Variants in SEZ6 observed in about 807,000 individuals in gnomAD.
SEZ6 encodes seizure related 6 homolog, also known as seizure protein 6 homolog.
In SEZ6, 53 loss-of-function variants were observed where a neutral mutation model predicts 101.0. The observed-to-expected ratio is 0.52, with a 90% CI of 0.42 to 0.66. SEZ6 has a LOEUF of 0.66. SEZ6 is among the 30% of genes least tolerant of loss of function. The probability of loss-of-function intolerance (pLI) is 0.00; values close to 1 mark genes in which losing one functional copy is unlikely to be tolerated. For synonymous variants in SEZ6, 488 were observed against 512.2 expected (o/e 0.95, Z 0.64); for missense variants, 1,102 against 1,289.4 (o/e 0.85, Z 2.23).
At chr17:28,973,710 G>A (rs1162397342) in intron 3 of SEZ6, among the ~76,000 whole-genome samples, 1 of 152,210 alleles carries the variant, frequency 6.6e-6, no homozygotes, top group Non-Finnish European at 1.5e-5. Context: ...GCTGACAGAG[G>A]CCAGACAGGG....
intron 4 of SEZ6, among the ~76,000 whole-genome samples, chr17:28,965,874 C>G (rs913156212): frequency 2.3e-4 from 35 of 152,146 alleles, no homozygotes; most frequent in Non-Finnish European, 4.7e-4. Context: ...TGCAGTGGCT[C>G]ACGCCTGTAA....
intron 1 of SEZ6, among the ~76,000 whole-genome samples, chr17:28,992,495 A>G (rs963607695): frequency 6.6e-6 from 1 of 152,148 alleles, no homozygotes; most frequent in Non-Finnish European, 1.5e-5. Flanking sequence ...CAAGGATGCC[A>G]CACCCTGGGA....
Position 29,005,840 on chromosome 17 carries a change from G to C in SEZ6, c.30C>G (p.Pro10=), listed in dbSNP as rs1482928708. The C allele has an allele frequency of 1.1e-5, 17 of 1,486,538 alleles. No individual in the cohort carries two copies. Among genetic ancestry groups the C allele is most frequent in the Admixed American group, 1.1e-4 (5 of 47,112 alleles). The allele number at this position is 1,486,538 out of a possible 1,614,324, so 92.1% of individuals were successfully genotyped here. ...CGTGAGCCAGGAGCGCCAGCAGCGAGGGCAGGAGCAGCAGGGCTACCGGGC... is the reference window on the plus strand; with the variant it reads ...CGTGAGCCAGGAGCGCCAGCAGCGACGGCAGGAGCAGCAGGGCTACCGGGC... MRPVALLLL[P]SLLALLAHGL... is the part of the protein sequence containing the mutation. Residue 10 remains proline (P), a synonymous_variant, in exon 1 of 17, where the codon CCC becomes CCG. Coordinates refer to ENST00000317338, the MANE Select transcript of SEZ6 (RefSeq NM_178860.5). The surrounding 1 kb of genome is among the most constrained non-coding windows in gnomAD (Gnocchi z 4.8).
At chr17:28,966,700 T>C (rs1193449824) in intron 4 of SEZ6, among the ~76,000 whole-genome samples, 1 of 152,172 alleles carries the variant, frequency 6.6e-6, no homozygotes, top group Admixed American at 6.5e-5. Flanking sequence ...GCAAGGCCTC[T>C]GTTCCTGGGT....
intron 1 of SEZ6, among the ~76,000 whole-genome samples, chr17:28,988,631 G>T (rs965424558): frequency 6.6e-6 from 1 of 152,136 alleles, no homozygotes; most frequent in African/African-American, 2.4e-5. Context: ...CTCTTCCCCT[G>T]CCACTGATCA....
intron 1 of SEZ6, among the ~76,000 whole-genome samples, chr17:28,999,229 G>A (rs898610622): frequency 6.6e-6 from 1 of 152,182 alleles, no homozygotes; most frequent in African/African-American, 2.4e-5. Context: ...AAGGACCCAG[G>A]ATGGCCTTCC....
At chr17:29,001,771 C>T (rs972805152) in intron 1 of SEZ6, among the ~76,000 whole-genome samples, 2 of 152,206 alleles carry the variant, frequency 1.3e-5, no homozygotes, top group East Asian at 1.9e-4. Context: ...TGCTTCCCAC[C>T]ACCCAGCTGC....
chr17:29,005,459 G>A lies in SEZ6; in HGVS notation c.55+356C>T, dbSNP rs1010861709. On this transcript the variant is annotated intron_variant, in intron 1 of 16. Transcript: ENST00000317338. This position sits in a 1 kb window ranked among gnomAD's most constrained non-coding sequence, Gnocchi z 4.8. Reference sequence around the variant, plus strand: ...CCCGACTCACTGCCTTGCGCCCCCCGGCACGCGCCCCAGCACCCTGAGATG... The same window carrying A: ...CCCGACTCACTGCCTTGCGCCCCCCAGCACGCGCCCCAGCACCCTGAGATG... Among the ~76,000 whole-genome samples, 9 of 152,180 alleles carry A rather than the reference G, an allele frequency of 5.9e-5. No homozygotes were observed. The highest frequency in any genetic ancestry group is 2.2e-4 in the African/African-American group (9 of 41,468).
At position 28,956,215 on chromosome 17, in the gene SEZ6, G is replaced by A. The variant is rs750810856; in HGVS notation, c.2896C>T (p.Pro966Ser). 1.6e-6 allele frequency: 1 copy of A among 612,670 alleles called. No individual in the cohort carries two copies. Among genetic ancestry groups the A allele is most frequent in the Non-Finnish European group, 2.9e-6 (1 of 346,846 alleles). 38.0% of individuals were successfully genotyped at this position (612,670 alleles called of 1,614,324 possible). A position where few individuals can be genotyped will look rare whatever the true frequency, so the allele number is the denominator to read the frequency against. ...SLQLPRPRPR[P>S]YNRITIESAF... ...GACTCTATGGTAATGCGGTTGTAGG[G>A]GCGGGGGCGGGGGCGGGGCAGCTGC... Residue 966 changes from proline (P) to serine (S), a missense_variant, in exon 16 of 17, where the codon CCC (proline) becomes TCC (serine). Physicochemically the swap from Pro to Ser is moderately conservative, Grantham distance 74. Transcript: ENST00000317338.
At chr17:28,980,595 C>T (rs2041286681) in intron 2 of SEZ6, among the ~76,000 whole-genome samples, 1 of 152,072 alleles carries the variant, frequency 6.6e-6, no homozygotes, top group African/African-American at 2.4e-5. Flanking sequence ...TGGTCTCGAT[C>T]TCCTGACCTC....
intron 1 of SEZ6, among the ~76,000 whole-genome samples, chr17:28,983,796 C>T (rs1472130148): frequency 2.0e-5 from 3 of 151,986 alleles, no homozygotes; most frequent in Non-Finnish European, 2.9e-5. Flanking sequence ...ACAGAGTTTG[C>T]AAGGAGAAGG....
In SEZ6 at chr17:28,973,954, A is replaced by G. The variant is rs562930119; in HGVS notation, c.859-4002T>C. On this transcript the variant is annotated intron_variant, in intron 3 of 16. Coordinates refer to ENST00000317338, the MANE Select transcript of SEZ6 (RefSeq NM_178860.5). ...AACACTGCCCTGCTTCCAGCAGACC[A>G]TGGAGTCAGCTCAAGGAGGAAATAC... 5.9e-5 allele frequency among the ~76,000 whole-genome samples: 9 copies of G among 152,314 alleles called. 1 individual carries two copies. In the East Asian group the frequency reaches 1.2e-3, roughly 20 times the overall value.
At chr17:28,958,939 C>T (rs1438984817) in intron 10 of SEZ6, 86 bp downstream of exon 10, 2 of 1,399,950 alleles carry the variant, frequency 1.4e-6, no homozygotes, top group African/African-American at 2.9e-5. Context: ...TTGTCTGAGA[C>T]AGCATTCAGG....
At chr17:28,990,368 A>G (rs1277243252) in intron 1 of SEZ6, among the ~76,000 whole-genome samples, 1 of 151,948 alleles carries the variant, frequency 6.6e-6, no homozygotes, top group African/African-American at 2.4e-5. Context: ...GGCTCAGGTG[A>G]TTCTCCCACC....
intron 1 of SEZ6, among the ~76,000 whole-genome samples, chr17:28,988,872 G>A (rs1465931600): frequency 6.6e-6 from 1 of 152,220 alleles, no homozygotes; most frequent in African/African-American, 2.4e-5. Context: ...TTGGGGCAGG[G>A]TTGGGACTCA....
chr17:28,980,301 G>C (rs1250311850), intron 2 of SEZ6, among the ~76,000 whole-genome samples: 2 of 150,402 alleles, frequency 1.3e-5, no homozygotes, highest in Admixed American at 1.3e-4. Flanking sequence ...TCTGCCTCCT[G>C]GGTTCAAGCT....
At chr17:28,965,785 G>A (rs957641036) in intron 4 of SEZ6, among the ~76,000 whole-genome samples, 2 of 152,158 alleles carry the variant, frequency 1.3e-5, no homozygotes, top group African/African-American at 4.8e-5. Context: ...CCAAATGGTG[G>A]CAGCAAATCC....
At chr17:28,993,585 G>A (rs918494635) in intron 1 of SEZ6, among the ~76,000 whole-genome samples, 3 of 152,212 alleles carry the variant, frequency 2.0e-5, no homozygotes, top group Non-Finnish European at 2.9e-5. Context: ...TCTGCCCAGT[G>A]CAGTGGTGAA....
chr17:28,971,843 T>A (rs564974972), intron 3 of SEZ6, among the ~76,000 whole-genome samples: 12 of 152,350 alleles, frequency 7.9e-5, no homozygotes, highest in African/African-American at 2.9e-4. Flanking sequence ...CTTTTGTTAC[T>A]GTCCTGGCCC....
Sources: allele counts gnomAD v4.1 joint callset (sites outside exome capture counted in the v4.1 genomes callset), GRCh38; gene constraint gnomAD v4.1.1; non-coding constraint Gnocchi (gnomAD v3.1); transcripts MANE v1.5; gene names NCBI Gene and HGNC (gene_info 2026-07-23, HGNC 2026-07-21).